The following AGBL4 variants were observed in gnomAD, a reference collection of about 807,000 sequenced individuals.
The protein encoded by AGBL4 is cytosolic carboxypeptidase 6.
AGBL4 carries 58 observed loss-of-function variants against 66.4 expected under a neutral mutation model. The ratio of observed to expected loss-of-function variants is 0.87; its 90% CI spans 0.71 to 1.09. The LOEUF is 1.09. Among genes scored for constraint, AGBL4 ranks in the 50% least tolerant of loss-of-function variants. AGBL4 has a pLI of 0.00. For synonymous variants in AGBL4, 234 were observed against 222.9 expected (o/e 1.05, Z -0.44); for missense variants, 579 against 631.0 (o/e 0.92, Z 0.88).
At chr1:49,378,612 G>T (rs950258884) in intron 3 of AGBL4, among the ~76,000 whole-genome samples, 2 of 152,064 alleles carry the variant, frequency 1.3e-5, no homozygotes, top group Admixed American at 6.6e-5. Context: ...AGGAATAACT[G>T]CACATTAAGA....
chr1:49,908,132 A>G (rs1650457318), intron 1 of AGBL4, among the ~76,000 whole-genome samples: 1 of 152,140 alleles, frequency 6.6e-6, no homozygotes. Flanking sequence ...CTAGGACTTT[A>G]GAAGATTCAA....
chr1:49,120,902 TTCTTTTTCC>T (rs1294841580), intron 4 of AGBL4, among the ~76,000 whole-genome samples: 31 of 152,128 alleles, frequency 2.0e-4, no homozygotes, highest in Non-Finnish European at 4.0e-4. Context: ...CTTTGTTAAT[TTCTTTTTCC>T]TCTTTTTCCT....
chr1:49,473,153 C>T (rs540605392), intron 3 of AGBL4, among the ~76,000 whole-genome samples: 29 of 152,014 alleles, frequency 1.9e-4, no homozygotes, highest in African/African-American at 6.5e-4. Flanking sequence ...ATTTATTTTC[C>T]TTTGGGTATA....
At chr1:49,709,424 C>T (rs1647461840) in intron 2 of AGBL4, among the ~76,000 whole-genome samples, 1 of 152,194 alleles carries the variant, frequency 6.6e-6, no homozygotes, top group Non-Finnish European at 1.5e-5. Flanking sequence ...GCTCAAGTGT[C>T]CCAGGACAAC....
intron 3 of AGBL4, among the ~76,000 whole-genome samples, chr1:49,439,512 G>T (rs2148666162): frequency 6.6e-6 from 1 of 152,280 alleles, no homozygotes; most frequent in East Asian, 1.9e-4. Context: ...AGGTGTGATG[G>T]TTAATATTGA....
intron 1 of AGBL4, among the ~76,000 whole-genome samples, chr1:50,014,644 C>T (rs1661833671): frequency 6.7e-6 from 1 of 149,678 alleles, no homozygotes; most frequent in Non-Finnish European, 1.5e-5. Flanking sequence ...CCTGCCTCAA[C>T]CTCCTGAGTA....
chr1:49,523,050 C>T (rs557889312), intron 3 of AGBL4, among the ~76,000 whole-genome samples: 2 of 151,972 alleles, frequency 1.3e-5, no homozygotes, highest in South Asian at 4.1e-4. Flanking sequence ...AAATCCACCC[C>T]GATTACCTGA....
Position 49,573,134 on chromosome 1 carries a change from GTGTGTGTGTGTC to G in AGBL4, c.282+124167_282+124178del, listed in dbSNP as rs1393861691. ...TTCTCATATATATATATGTGTGTCT[GTGTGTGTGTGTC>G]TGTGTGTGTGTGTGTGTGTGTGTGT... On this transcript the variant is annotated intron_variant, in intron 3 of 13. Transcript: ENST00000371839. Among the ~76,000 whole-genome samples, 36 of 141,324 alleles carry G rather than the reference GTGTGTGTGTGTC, an allele frequency of 2.5e-4. No homozygotes were observed. The South Asian group carries it at 4.3e-3, about 17-fold the overall frequency. 92.7% of individuals were successfully genotyped at this position (141,324 alleles called of 152,430 possible). A position where few individuals can be genotyped will look rare whatever the true frequency, so the allele number is the denominator to read the frequency against.
At chr1:49,919,361 T>A (rs1651949401) in intron 1 of AGBL4, among the ~76,000 whole-genome samples, 1 of 152,182 alleles carries the variant, frequency 6.6e-6, no homozygotes, top group South Asian at 2.1e-4. Context: ...AAAATCTCCT[T>A]AAGCTGATAA....
At chr1:48,844,427 T>C (rs2148800011) in intron 6 of AGBL4, among the ~76,000 whole-genome samples, 1 of 152,342 alleles carries the variant, frequency 6.6e-6, no homozygotes, top group East Asian at 1.9e-4. Context: ...TTAAAATCAA[T>C]GATGCTTTAA....
At chr1:49,933,816 A>G (rs1203170724) in intron 1 of AGBL4, among the ~76,000 whole-genome samples, 1 of 152,146 alleles carries the variant, frequency 6.6e-6, no homozygotes, top group Non-Finnish European at 1.5e-5. Context: ...AAACATTATA[A>G]GAACATCAGC....
At chr1:49,713,894 G>A (rs181193615) in intron 2 of AGBL4, among the ~76,000 whole-genome samples, 1 of 152,062 alleles carries the variant, frequency 6.6e-6, no homozygotes, top group East Asian at 1.9e-4. Context: ...CTACAGAGTA[G>A]CTGGGAATAC....
chr1:49,980,028 C>A (rs924749270), intron 1 of AGBL4, among the ~76,000 whole-genome samples: 2 of 151,936 alleles, frequency 1.3e-5, no homozygotes, highest in Non-Finnish European at 2.9e-5. Context: ...ATAATATTTT[C>A]TTTTCTCTAA....
intron 5 of AGBL4, among the ~76,000 whole-genome samples, chr1:49,033,230 C>T (rs1336314832): frequency 1.3e-5 from 2 of 152,052 alleles, no homozygotes; most frequent in East Asian, 1.9e-4. Context: ...GGAAGGGAGC[C>T]AAAACCACTA....
At chr1:48,723,633 G>A (rs1049928529) in intron 6 of AGBL4, among the ~76,000 whole-genome samples, 1 of 152,174 alleles carries the variant, frequency 6.6e-6, no homozygotes, top group Admixed American at 6.5e-5. Flanking sequence ...AGGTTTTAAA[G>A]TTTTCCTTTT....
At chr1:48,846,044 C>T (rs565913023) in intron 6 of AGBL4, among the ~76,000 whole-genome samples, 2 of 151,982 alleles carry the variant, frequency 1.3e-5, no homozygotes, top group Non-Finnish European at 2.9e-5. Flanking sequence ...CTGACTTGTC[C>T]CACTTCCTTG....
At chr1:49,172,472 AAGAG>A (rs1424827678) in intron 4 of AGBL4, among the ~76,000 whole-genome samples, 2 of 152,078 alleles carry the variant, frequency 1.3e-5, no homozygotes, top group African/African-American at 4.8e-5. Flanking sequence ...AACCAGTAGG[AAGAG>A]AGAGAGAGTA....
chr1:48,524,625 G>A, the AGBL4 span, among the ~76,000 whole-genome samples: 996 of 152,254 alleles, frequency 6.5e-3, 3 homozygotes, highest in Non-Finnish European at 1.0e-2. Context: ...CTCTGACTAT[G>A]AGTAGATGTA....
intron 2 of AGBL4, among the ~76,000 whole-genome samples, chr1:49,721,468 A>G (rs746281539): frequency 1.5e-4 from 23 of 152,144 alleles, no homozygotes; most frequent in Admixed American, 2.6e-4. Flanking sequence ...CAGGATGGCC[A>G]GGCCAGGGAA....
Sources: allele counts gnomAD v4.1 joint callset (sites outside exome capture counted in the v4.1 genomes callset), GRCh38; gene constraint gnomAD v4.1.1; transcripts MANE v1.5; gene names NCBI Gene and HGNC (gene_info 2026-07-23, HGNC 2026-07-21).